PDE3B: variants seen among roughly 807,000 people sequenced by gnomAD.
The protein encoded by PDE3B is phosphodiesterase 3B.
In PDE3B, 66 loss-of-function variants were observed where a neutral mutation model predicts 116.8. The ratio of observed to expected loss-of-function variants is 0.56; its 90% confidence interval spans 0.46 to 0.69. The LOEUF (loss-of-function observed/expected upper bound fraction) is 0.69, where lower values mean the gene tolerates loss of function less well. Ranked by LOEUF, PDE3B falls within the 30% of genes least tolerant of loss-of-function variation. The pLI, the probability that PDE3B is intolerant of heterozygous loss-of-function variation, is 0.00. For synonymous variants in PDE3B, 595 were observed against 533.6 expected (o/e 1.12, Z -1.59); for missense variants, 1,384 against 1,368.1 (o/e 1.01, Z -0.18).
chr11:14,844,804 A>G (rs1362431859), intron 12 of PDE3B, among the ~76,000 whole-genome samples: 2 of 152,244 alleles, frequency 1.3e-5, no homozygotes, highest in Non-Finnish European at 2.9e-5. Flanking sequence ...GCCATTGCCC[A>G]GGCTTGCTTA....
intron 12 of PDE3B, among the ~76,000 whole-genome samples, chr11:14,847,490 C>T (rs1847635529): frequency 6.6e-6 from 1 of 151,010 alleles, no homozygotes; most frequent in African/African-American, 2.4e-5. Flanking sequence ...TAACTAAAAT[C>T]AGAGCAGAAC....
At chr11:14,665,231 A>C (rs1269865862) in intron 1 of PDE3B, among the ~76,000 whole-genome samples, 1 of 152,210 alleles carries the variant, frequency 6.6e-6, no homozygotes, top group Non-Finnish European at 1.5e-5. Context: ...TTCATGCTAA[A>C]AGCTCTCAAT....
At chr11:14,848,712 C>G (rs1051590961) in intron 12 of PDE3B, among the ~76,000 whole-genome samples, 5 of 152,128 alleles carry the variant, frequency 3.3e-5, no homozygotes, top group African/African-American at 1.2e-4. Flanking sequence ...AACACAGAGC[C>G]AAATCATGAG....
intron 1 of PDE3B, among the ~76,000 whole-genome samples, chr11:14,693,248 A>G (rs567849568): frequency 2.0e-4 from 30 of 152,340 alleles, no homozygotes; most frequent in African/African-American, 6.7e-4. Flanking sequence ...TAAAAGTGCA[A>G]GGTGAAGCAG....
At chr11:14,793,102 C>A (rs1346828685) in intron 4 of PDE3B, among the ~76,000 whole-genome samples, 2 of 152,088 alleles carry the variant, frequency 1.3e-5, no homozygotes, top group Admixed American at 1.3e-4. Context: ...CTTAATCTTG[C>A]CTTCTGCTTA....
At chr11:14,744,092 A>T (rs974115718) in intron 1 of PDE3B, among the ~76,000 whole-genome samples, 2 of 152,166 alleles carry the variant, frequency 1.3e-5, no homozygotes, top group Non-Finnish European at 2.9e-5. Context: ...TTGACCACAG[A>T]TATATAGGTT....
the PDE3B span, among the ~76,000 whole-genome samples, chr11:14,885,415 T>C: frequency 1.8e-3 from 276 of 152,206 alleles, 1 homozygote; most frequent in African/African-American, 6.3e-3. Context: ...ATAAGTAAAA[T>C]GATAGTAAAA....
chr11:14,717,747 C>A (rs1215785370), intron 1 of PDE3B, among the ~76,000 whole-genome samples: 55 of 135,300 alleles, frequency 4.1e-4, no homozygotes, highest in African/African-American at 1.4e-3. Context: ...ACCAGGCCTG[C>A]CCTAAAAGAG....
At chr11:14,688,113 T>TTCTCTCTCTCTC (rs35700152) in intron 1 of PDE3B, among the ~76,000 whole-genome samples, 30 of 109,936 alleles carry the variant, frequency 2.7e-4, no homozygotes, top group African/African-American at 9.9e-4. Context: ...CTCTCTCTCT[T>TTCTCTCTCTCTC]TCTCTCTCTC....
chr11:14,644,963 C>T lies in PDE3B; in HGVS notation c.888C>T (p.Ser296=), dbSNP rs1190643170. 3 of 1,614,026 alleles carry T rather than the reference C, an allele frequency of 1.9e-6. No individual in the cohort carries two copies. The highest frequency in any genetic ancestry group is 2.5e-6 in the Non-Finnish European group (3 of 1,179,998). ...TGATCCGACCCCGGAGGAGGTCCAG[C>T]TGCGTGTCGTTAGGAGAAACTGCAG... The part of the protein sequence containing the change: ...VPVIRPRRRS[S]CVSLGETAAS... The change falls in exon 1 of 16, where the codon AGC becomes AGT. Residue 296 remains serine (S), a synonymous_variant. Coordinates refer to ENST00000282096, the MANE Select transcript of PDE3B (RefSeq NM_000922.4).
intron 12 of PDE3B, among the ~76,000 whole-genome samples, chr11:14,857,884 T>G (rs1847878586): frequency 6.6e-6 from 1 of 152,218 alleles, no homozygotes; most frequent in African/African-American, 2.4e-5. Context: ...TGAGCATGAA[T>G]TAGTCAAATC....
chr11:14,741,611 G>A (rs532538947), intron 1 of PDE3B, among the ~76,000 whole-genome samples: 7 of 152,214 alleles, frequency 4.6e-5, no homozygotes, highest in African/African-American at 1.7e-4. Context: ...ATTGTTAAGT[G>A]TGAATTTGAT....
chr11:14,647,441 C>G (rs1433795597), intron 1 of PDE3B, among the ~76,000 whole-genome samples: 1 of 151,886 alleles, frequency 6.6e-6, no homozygotes, highest in African/African-American at 2.4e-5. Context: ...TTATATAATA[C>G]CTTCTAATTC....
At position 14,673,622 on chromosome 11, in the gene PDE3B, A is replaced by G. The variant is rs536873351; in HGVS notation, c.978+28569A>G. ...GACGGTTCTCAGGAGGAGCCACTTC[A>G]TAATCTCTGGCACTAAACAAAGTTG... On this transcript the variant is annotated intron_variant, in intron 1 of 15. Coordinates refer to ENST00000282096, the MANE Select transcript of PDE3B (RefSeq NM_000922.4). The G allele has an allele frequency of 7.1e-5, 46 of 649,978 alleles. 1 individual carries two copies. Among genetic ancestry groups the G allele is most frequent in the African/African-American group, 2.0e-4 (11 of 56,220 alleles). The allele number at this position is 649,978 out of a possible 1,614,324, so 40.3% of individuals were successfully genotyped here. A position where few individuals can be genotyped will look rare whatever the true frequency, so the allele number is the denominator to read the frequency against.
In PDE3B at chr11:14,770,285, G is replaced by A. The variant is rs534548809; in HGVS notation, c.979-1652G>A. Among the ~76,000 whole-genome samples the A allele has an allele frequency of 5.3e-4, 81 of 151,478 alleles. 1 individual carries two copies. Among genetic ancestry groups the A allele is most frequent in the African/African-American group, 1.9e-3 (80 of 41,460 alleles). ...TTAAGAAAACATCAGATTTATAGAT[G>A]TTATGATAATGGGAGGAATGGAGAA... On this transcript the variant is annotated intron_variant, in intron 1 of 15. Coordinates refer to ENST00000282096, the MANE Select transcript of PDE3B (RefSeq NM_000922.4).
intron 1 of PDE3B, among the ~76,000 whole-genome samples, chr11:14,747,493 T>C (rs961826383): frequency 1.3e-5 from 2 of 152,200 alleles, no homozygotes; most frequent in African/African-American, 2.4e-5. Context: ...CTTTCTCCCA[T>C]AGAGAAGACA....
chr11:14,716,064 C>A (rs11820820), intron 1 of PDE3B, among the ~76,000 whole-genome samples: 17,927 of 151,924 alleles, frequency 0.12, 1,277 homozygotes, highest in African/African-American at 0.22. Flanking sequence ...TGGGTGTGCG[C>A]ACCGTGCGCG....
the PDE3B span, among the ~76,000 whole-genome samples, chr11:14,898,165 G>A: frequency 3.6e-4 from 55 of 152,076 alleles, no homozygotes; most frequent in African/African-American, 1.2e-3. Context: ...AGCAGAAGAT[G>A]TGTTTTGCCT....
intron 2 of PDE3B, chr11:14,774,050 A>G (rs747164247): frequency 6.6e-6 from 1 of 152,150 alleles, no homozygotes; most frequent in Admixed American, 6.5e-5. Context: ...GCTCTGTGCC[A>G]GTTATGAATC....
Sources: allele counts gnomAD v4.1 joint callset (sites outside exome capture counted in the v4.1 genomes callset), GRCh38; gene constraint gnomAD v4.1.1; transcripts MANE v1.5; gene names NCBI Gene and HGNC (gene_info 2026-07-23, HGNC 2026-07-21).